FBXO42: variants seen among roughly 807,000 people sequenced by gnomAD.
FBXO42 encodes the protein F-box protein 42.
Under a neutral mutation model 71.7 loss-of-function variants are expected in FBXO42, and 12 were observed. The ratio of observed to expected loss-of-function variants is 0.17; its 90% CI spans 0.11 to 0.27. FBXO42 has a LOEUF of 0.27. Among genes scored for constraint, FBXO42 ranks in the 10% least tolerant of loss-of-function variants. The probability of loss-of-function intolerance (pLI) is 1.00; values close to 1 mark genes in which losing one functional copy is unlikely to be tolerated. For synonymous variants in FBXO42, 325 were observed against 327.5 expected (o/e 0.99, Z 0.08); for missense variants, 707 against 911.9 (o/e 0.78, Z 2.89).
intron 2 of FBXO42, among the ~76,000 whole-genome samples, chr1:16,306,910 T>G (rs2082257002): frequency 1.3e-5 from 2 of 152,114 alleles, no homozygotes; most frequent in African/African-American, 4.8e-5. Flanking sequence ...GTTTTCTTTT[T>G]TTTTCTTTTT....
At chr1:16,283,322 T>C (rs1424975953) in intron 4 of FBXO42, among the ~76,000 whole-genome samples, 1 of 152,048 alleles carries the variant, frequency 6.6e-6, no homozygotes, top group Non-Finnish European at 1.5e-5. Flanking sequence ...TGGAATTGCA[T>C]GTGTGACTGA....
At chr1:16,276,379 C>CAAAAAAAAAAAAAAA (rs34711223) in intron 4 of FBXO42, among the ~76,000 whole-genome samples, 1 of 97,392 alleles carries the variant, frequency 1.0e-5, no homozygotes, top group African/African-American at 3.6e-5. Context: ...CACTCTGTCT[C>CAAAAAAAAAAAAAAA]AAAAAAAAAA....
Position 16,248,588 on chromosome 1 carries a change from C to T in FBXO42, c.*2082G>A, listed in dbSNP as rs2081558733. 1 of 152,208 alleles carries T rather than the reference C, an allele frequency of 6.6e-6. No homozygotes were observed. The highest frequency in any genetic ancestry group is 2.4e-5 in the African/African-American group (1 of 41,436). The allele number at this position is 152,208 out of a possible 1,614,324, so 9.4% of individuals were successfully genotyped here. ...ATAGGAACTACTGAGTTTGGAGGCACAGTCCATGCACAAACACAATGTCCT... is the reference window on the plus strand; with the variant it reads ...ATAGGAACTACTGAGTTTGGAGGCATAGTCCATGCACAAACACAATGTCCT... On this transcript the variant is annotated 3_prime_UTR_variant, in exon 10 of 10. Transcript: ENST00000375592.
intron 1 of FBXO42, among the ~76,000 whole-genome samples, chr1:16,343,160 A>G (rs2082622549): frequency 6.6e-6 from 1 of 152,202 alleles, no homozygotes; most frequent in Non-Finnish European, 1.5e-5. Flanking sequence ...ATATGTAACC[A>G]ATTCCCTATA....
intron 1 of FBXO42, among the ~76,000 whole-genome samples, chr1:16,338,580 T>C (rs1233429120): frequency 6.6e-6 from 1 of 152,046 alleles, no homozygotes; most frequent in East Asian, 1.9e-4. Context: ...GAGATTATTC[T>C]GCAGTCTCCA....
At chr1:16,315,480 C>T (rs1018807222) in intron 1 of FBXO42, 45 bp from the exon 2 acceptor site, 1 of 1,565,870 alleles carries the variant, frequency 6.4e-7, no homozygotes, top group Non-Finnish European at 8.7e-7. Flanking sequence ...CTGAAAGCAG[C>T]TCAAAAACAA....
chr1:16,347,073 C>T (rs1425736309), intron 1 of FBXO42, among the ~76,000 whole-genome samples: 1 of 151,930 alleles, frequency 6.6e-6, no homozygotes, highest in Admixed American at 6.6e-5. Flanking sequence ...TTAAAAGTGA[C>T]TATTGCCATA....
At position 16,323,168 on chromosome 1, in the gene FBXO42, C is replaced by CT. The variant is rs1304607675; in HGVS notation, c.-17-7734_-17-7733insA. On this transcript the variant is annotated intron_variant, in intron 1 of 9. Transcript: ENST00000375592. ...GCACAGTGGCTCACGCCTGTAATCC[C>CT]AGCACTTTGGGAGGCCAAGGCGGAG... Among the ~76,000 whole-genome samples, 3 of 152,280 alleles carry CT rather than the reference C, an allele frequency of 2.0e-5. No homozygotes were observed. The East Asian group carries it at 5.8e-4, about 29-fold the overall frequency.
chr1:16,269,788 G>C (rs542307322), intron 4 of FBXO42, among the ~76,000 whole-genome samples: 1 of 151,934 alleles, frequency 6.6e-6, no homozygotes, highest in East Asian at 1.9e-4. Flanking sequence ...GCCTCCCAAA[G>C]TGCTGGTATT....
chr1:16,260,150 G>A (rs1381899525), intron 4 of FBXO42, among the ~76,000 whole-genome samples: 1 of 151,550 alleles, frequency 6.6e-6, no homozygotes, highest in Non-Finnish European at 1.5e-5. Flanking sequence ...TCTTACTACT[G>A]CTACTGATGG....
intron 4 of FBXO42, among the ~76,000 whole-genome samples, chr1:16,276,321 A>G (rs2081902351): frequency 6.6e-6 from 1 of 150,948 alleles, no homozygotes; most frequent in South Asian, 2.1e-4. Context: ...CAGAGCTTGC[A>G]GTAAGCCGAG....
intron 4 of FBXO42, among the ~76,000 whole-genome samples, chr1:16,291,826 C>G (rs965368883): frequency 2.0e-5 from 3 of 152,112 alleles, no homozygotes; most frequent in African/African-American, 7.2e-5. Context: ...CACATGCCAT[C>G]ATGCCCGGCT....
intron 4 of FBXO42, among the ~76,000 whole-genome samples, chr1:16,271,582 C>G (rs1009810342): frequency 1.8e-4 from 28 of 151,834 alleles, no homozygotes; most frequent in Non-Finnish European, 3.4e-4. Context: ...CACCTGGCCC[C>G]TAACTACCTT....
rs2081571146 is a variant in FBXO42, at chr1:16,249,664, T to C, written c.*1006A>G. ...ATCTTAGAATTCCCTACTGGCCCCC[T>C]AGTGACACCAGGGAAAGGGTTCCAC... On this transcript the variant is annotated 3_prime_UTR_variant, in exon 10 of 10. Coordinates refer to ENST00000375592, the MANE Select transcript of FBXO42 (RefSeq NM_018994.3). 1 of 152,018 alleles carries C rather than the reference T, an allele frequency of 6.6e-6. No homozygotes were observed. Among genetic ancestry groups the C allele is most frequent in the Non-Finnish European group, 1.5e-5 (1 of 68,014 alleles). The allele number at this position is 152,018 out of a possible 1,614,324, so 9.4% of individuals were successfully genotyped here. A position where few individuals can be genotyped will look rare whatever the true frequency, so the allele number is the denominator to read the frequency against.
chr1:16,296,509 G>A (rs1043087354), intron 3 of FBXO42, among the ~76,000 whole-genome samples: 1 of 151,870 alleles, frequency 6.6e-6, no homozygotes, highest in African/African-American at 2.4e-5. Context: ...AATTAGCCAG[G>A]CGTGGTGGCG....
intron 2 of FBXO42, among the ~76,000 whole-genome samples, chr1:16,308,185 T>TTATA (rs2082272382): frequency 6.6e-6 from 1 of 152,182 alleles, no homozygotes; most frequent in South Asian, 2.1e-4. Flanking sequence ...CTCACTATAT[T>TTATA]GTCCAGACTG....
chr1:16,324,949 C>A (rs1348853888), intron 1 of FBXO42, among the ~76,000 whole-genome samples: 2 of 152,070 alleles, frequency 1.3e-5, no homozygotes, highest in African/African-American at 4.8e-5. Flanking sequence ...TACAGAATTA[C>A]CTTTAGAGCT....
At chr1:16,253,775 A>G (rs780210121) in intron 6 of FBXO42, 44 bp from the exon 7 acceptor site, 2 of 1,574,760 alleles carry the variant, frequency 1.3e-6, no homozygotes, top group African/African-American at 2.7e-5. Context: ...AGGAGCTCCC[A>G]GGGACCATAA....
intron 1 of FBXO42, among the ~76,000 whole-genome samples, chr1:16,322,240 G>C (rs1402544517): frequency 6.6e-6 from 1 of 151,834 alleles, no homozygotes; most frequent in Non-Finnish European, 1.5e-5. Context: ...CTGCCAGAGA[G>C]GAAACTATTT....
Sources: gnomAD v4.1 joint callset for allele counts (sites outside exome capture counted in the v4.1 genomes callset) on GRCh38, gnomAD v4.1.1 for gene constraint, MANE v1.5 for transcripts, NCBI Gene and HGNC (gene_info 2026-07-23, HGNC 2026-07-21) for gene names.